Variants in CASD1 observed in about 807,000 individuals in gnomAD.
The protein encoded by CASD1 is CAS1 domain sialic acid O acetyltransferase 1.
CASD1 carries 41 observed loss-of-function variants against 100.0 expected under a neutral mutation model. That is an observed-to-expected ratio of 0.41 (90% CI 0.32 to 0.53). The LOEUF (loss-of-function observed/expected upper bound fraction) is 0.53, where lower values mean the gene tolerates loss of function less well. Among genes scored for constraint, CASD1 ranks in the 20% least tolerant of loss-of-function variants. CASD1 has a pLI of 0.25. For synonymous variants in CASD1, 321 were observed against 315.6 expected (o/e 1.02, Z -0.18); for missense variants, 774 against 948.7 (o/e 0.82, Z 2.42).
At chr7:94,581,854 A>G in the CASD1 span, among the ~76,000 whole-genome samples, 1 of 152,144 alleles carries the variant, frequency 6.6e-6, no homozygotes, top group Admixed American at 6.5e-5. Context: ...ATGTATCTTT[A>G]TAATAGAATA....
intron 3 of CASD1, among the ~76,000 whole-genome samples, chr7:94,518,813 G>A: frequency 6.6e-6 from 1 of 151,860 alleles, no homozygotes; most frequent in East Asian, 1.9e-4. Context: ...TGGATATAAT[G>A]TAATTTTATA....
intron 12 of CASD1, among the ~76,000 whole-genome samples, chr7:94,546,131 A>G (rs990845505): frequency 6.6e-6 from 1 of 151,944 alleles, no homozygotes; most frequent in Non-Finnish European, 1.5e-5. Flanking sequence ...TTTTGAGTAA[A>G]TATTTCTTTG....
At chr7:94,511,266 A>G (rs955519115) in intron 1 of CASD1, among the ~76,000 whole-genome samples, 1 of 152,174 alleles carries the variant, frequency 6.6e-6, no homozygotes, top group Non-Finnish European at 1.5e-5. Flanking sequence ...GACAGGTGCA[A>G]ATTAGCGCTG....
the CASD1 span, among the ~76,000 whole-genome samples, chr7:94,608,628 G>A: frequency 6.6e-6 from 1 of 152,112 alleles, no homozygotes; most frequent in Non-Finnish European, 1.5e-5. Context: ...AATATTGAAG[G>A]AGAAGAACAA....
At chr7:94,631,993 T>C in the CASD1 span, among the ~76,000 whole-genome samples, 1 of 152,044 alleles carries the variant, frequency 6.6e-6, no homozygotes, top group Admixed American at 6.6e-5. Context: ...ATTTGAATAA[T>C]TGTATCAATG....
chr7:94,542,826 A>T (rs931613633), intron 10 of CASD1, among the ~76,000 whole-genome samples: 4 of 152,198 alleles, frequency 2.6e-5, no homozygotes, highest in Non-Finnish European at 5.9e-5. Context: ...ATTTCAGTAC[A>T]TTTCCTGCCT....
At chr7:94,541,839 T>G (rs1795419533) in intron 10 of CASD1, among the ~76,000 whole-genome samples, 1 of 152,084 alleles carries the variant, frequency 6.6e-6, no homozygotes, top group Non-Finnish European at 1.5e-5. Flanking sequence ...TAAGAAACCA[T>G]CCTTTTTTCC....
rs761967513 is a variant in CASD1 at position 94,555,639 on chromosome 7, C to G, written c.2275C>G (p.Leu759Val). 6.2e-7 allele frequency: 1 copy of G among 1,613,476 alleles called. No individual in the cohort carries two copies. The highest frequency in any genetic ancestry group is 1.7e-5 in the Admixed American group (1 of 59,948). Residue 759 changes from leucine to valine, a missense_variant, in exon 18 of 18, where the codon CTT (leucine) becomes GTT (valine). Transcript: ENST00000297273. ...AHEISQITND[L>V]AQIIIPKDNS... is the part of the protein sequence containing the mutation. ...TGAAATTTCTCAGATCACTAATGAT[C>G]TTGCACAGATTATTATTCCTAAAGA... is the stretch of plus-strand genomic sequence containing the variant.
the CASD1 span, chr7:94,623,762 C>T: frequency 2.6e-6 from 1 of 391,548 alleles, no homozygotes; most frequent in East Asian, 3.6e-5. Context: ...AATTTTTGTA[C>T]TTTTAAATGG....
chr7:94,630,891 C>G, the CASD1 span, among the ~76,000 whole-genome samples: 9 of 151,940 alleles, frequency 5.9e-5, no homozygotes, highest in Non-Finnish European at 8.8e-5. Flanking sequence ...ATAGCAAGAT[C>G]ACTGAACTAC....
the CASD1 span, among the ~76,000 whole-genome samples, chr7:94,579,884 A>G: frequency 1.3e-5 from 2 of 152,150 alleles, no homozygotes; most frequent in Non-Finnish European, 2.9e-5. Flanking sequence ...AGCTCATATT[A>G]TTTCCTCAAT....
At chr7:94,536,255 A>G (rs1050380328) in intron 8 of CASD1, among the ~76,000 whole-genome samples, 9 of 152,136 alleles carry the variant, frequency 5.9e-5, no homozygotes, top group African/African-American at 2.2e-4. Context: ...GAAAAGAAAA[A>G]AAGAATTCTT....
the CASD1 span, among the ~76,000 whole-genome samples, chr7:94,613,460 A>G: frequency 3.9e-5 from 6 of 152,192 alleles, no homozygotes; most frequent in Non-Finnish European, 7.3e-5. Flanking sequence ...ACAGGAGGCT[A>G]TTATCAAGTA....
Position 94,555,903 on chromosome 7 carries a change from T to G in CASD1, c.*145T>G. On this transcript the variant is annotated 3_prime_UTR_variant, in exon 18 of 18. Coordinates refer to ENST00000297273, the MANE Select transcript of CASD1 (RefSeq NM_022900.5). ...ACAGTTCTGTGACATCTGTTGAACA[T>G]ATGTGGTTGTATATATTGGAAATGT... 2 of 754,008 alleles carry G rather than the reference T, an allele frequency of 2.7e-6. No homozygotes were observed. The highest frequency in any genetic ancestry group is 4.2e-6 in the Non-Finnish European group (2 of 475,142). 46.7% of individuals were successfully genotyped at this position (754,008 alleles called of 1,614,324 possible). A position where few individuals can be genotyped will look rare whatever the true frequency, so the allele number is the denominator to read the frequency against.
intron 12 of CASD1, among the ~76,000 whole-genome samples, chr7:94,546,489 A>C (rs1339179702): frequency 2.0e-5 from 3 of 151,884 alleles, no homozygotes; most frequent in Non-Finnish European, 2.9e-5. Context: ...ACATCAAATA[A>C]TTTTTCAGGA....
rs1163675422 is a variant in CASD1 at position 94,546,195 on chromosome 7, C to G, written c.1633+494C>G. Reference sequence around the variant, plus strand: ...TAAAAGCACTAATATAATGTATTTTCTAGACAAGCTTTGAAGCAGTTATTA... The same window carrying G: ...TAAAAGCACTAATATAATGTATTTTGTAGACAAGCTTTGAAGCAGTTATTA... On this transcript the variant is annotated intron_variant, in intron 12 of 17. Coordinates refer to ENST00000297273, the MANE Select transcript of CASD1 (RefSeq NM_022900.5). Among the ~76,000 whole-genome samples, 6 of 151,838 alleles carry G rather than the reference C, an allele frequency of 4.0e-5. No individual in the cohort carries two copies. In the East Asian group the frequency reaches 1.2e-3, roughly 29 times the overall value.
At chr7:94,558,962 G>A (rs1796292299), downstream of CASD1, among the ~76,000 whole-genome samples, 1 of 151,930 alleles carries the variant, frequency 6.6e-6, no homozygotes, top group Admixed American at 6.6e-5. Flanking sequence ...ACCATACCTG[G>A]CTAATTTTTG....
intron 10 of CASD1, among the ~76,000 whole-genome samples, chr7:94,541,189 A>G (rs191052783): frequency 1.0e-3 from 152 of 152,162 alleles, no homozygotes; most frequent in African/African-American, 3.5e-3. Context: ...TAGGCAAAAC[A>G]TTATTAGTAT....
the CASD1 span, among the ~76,000 whole-genome samples, chr7:94,580,935 C>CT: frequency 1.3e-5 from 2 of 152,200 alleles, no homozygotes; most frequent in African/African-American, 4.8e-5. Context: ...CCAGGGAACA[C>CT]TTACTCCTTC....
Sources: allele counts gnomAD v4.1 joint callset (sites outside exome capture counted in the v4.1 genomes callset), GRCh38; gene constraint gnomAD v4.1.1; transcripts MANE v1.5; gene names NCBI Gene and HGNC (gene_info 2026-07-23, HGNC 2026-07-21).